The following RNASE11 variants were observed in gnomAD, a reference collection of about 807,000 sequenced individuals.
RNASE11 encodes ribonuclease A family member 11 (inactive).
For synonymous variants in RNASE11, 105 were observed against 86.1 expected (o/e 1.22, Z -1.21); for missense variants, 252 against 237.8 (o/e 1.06, Z -0.39).
In RNASE11 at chr14:20,585,041, A is replaced by G. The variant is rs553570005; in HGVS notation, c.-22-545T>C. On this transcript the variant is annotated intron_variant, in intron 1 of 1. Transcript: ENST00000553849. ...TCTGTCTTTACCAGTTCCTTCGGCAAGTTGATCCTGTAGAGGAAGATTCCA... is the reference window on the plus strand; with the variant it reads ...TCTGTCTTTACCAGTTCCTTCGGCAGGTTGATCCTGTAGAGGAAGATTCCA... 20 of 983,960 alleles carry G rather than the reference A, an allele frequency of 2.0e-5. No homozygotes were observed. In the African/African-American group the frequency reaches 3.1e-4, roughly 15 times the overall value. The allele number at this position is 983,960 out of a possible 1,614,324, so 61.0% of individuals were successfully genotyped here.
chr14:20,583,952 T>C (rs753726748), exon 2 of RNASE11: 30 of 1,614,070 alleles, frequency 1.9e-5, no homozygotes, highest in Admixed American at 3.3e-5. Context: ...TCTAATGAGG[T>C]AACACTATGG....
At chr14:20,587,980 C>T (rs1884471484), upstream of RNASE11, 1 of 270,750 alleles carries the variant, frequency 3.7e-6, no homozygotes, top group Non-Finnish European at 5.7e-6. Context: ...CATGCCTGCT[C>T]TAGGTCACTG....
In RNASE11 at chr14:20,586,609, T is replaced by C. The variant is rs1884439517; in HGVS notation, c.-23+954A>G. On this transcript the variant is annotated intron_variant, in intron 1 of 1. Coordinates refer to ENST00000553849, the Ensembl canonical transcript of RNASE11. ...AAGGATGCCTTGACCAAAGACCTGA[T>C]ACATTTTGAAGGCAGAAAGGATGAG... Among the ~76,000 whole-genome samples, 4 of 152,212 alleles carry C rather than the reference T, an allele frequency of 2.6e-5. No individual in the cohort carries two copies. The South Asian group carries it at 8.3e-4, about 32-fold the overall frequency.
exon 2 of RNASE11, chr14:20,583,683 C>T: frequency 3.5e-6 from 1 of 282,276 alleles, no homozygotes. Flanking sequence ...AGAGAAGAAT[C>T]TGCACGCCAG....
chr14:20,583,679 G>A (rs1884359139), exon 2 of RNASE11: 2 of 264,080 alleles, frequency 7.6e-6, no homozygotes, highest in South Asian at 4.6e-5. Context: ...AGAGAGAGAA[G>A]AATCTGCACG....
At chr14:20,587,590 G>A in exon 1 of RNASE11, 1 of 985,246 alleles carries the variant, frequency 1.0e-6, no homozygotes, top group Non-Finnish European at 1.2e-6. Flanking sequence ...CTATTCAGAT[G>A]CTGAGGGCTC....
chr14:20,588,388 G>A (rs1353470027), upstream of RNASE11: 1 of 150,512 alleles, frequency 6.6e-6, no homozygotes, highest in Non-Finnish European at 1.5e-5. Context: ...GAACTAAAAA[G>A]AGAAAAGAGT....
At position 20,583,835 on chromosome 14, in the gene RNASE11, C is replaced by T. The variant is rs757569451; in HGVS notation, c.*40G>A. On this transcript the variant is annotated 3_prime_UTR_variant, in exon 2 of 2. Transcript: ENST00000553849. ...TAAACAAGAATGAACAAGAAGAGGTCCTTCTTTAGTAAGACCCTAGTCCTA... is the reference window on the plus strand; with the variant it reads ...TAAACAAGAATGAACAAGAAGAGGTTCTTCTTTAGTAAGACCCTAGTCCTA... 5 of 1,539,496 alleles carry T rather than the reference C, an allele frequency of 3.2e-6. No homozygotes were observed. In the South Asian group the frequency reaches 6.4e-5, roughly 20 times the overall value.
chr14:20,587,183 A>G (rs1268084037), intron 1 of RNASE11, among the ~76,000 whole-genome samples: 1 of 152,200 alleles, frequency 6.6e-6, no homozygotes, highest in African/African-American at 2.4e-5. Context: ...ATGTATATAC[A>G]TATTTAGATA....
Position 20,586,698 on chromosome 14 carries a change from T to C in RNASE11, c.-23+865A>G, listed in dbSNP as rs930553485. Among the ~76,000 whole-genome samples the C allele has an allele frequency of 4.6e-5, 7 of 152,294 alleles. No individual in the cohort carries two copies. In the East Asian group the frequency reaches 1.3e-3, roughly 29 times the overall value. On this transcript the variant is annotated intron_variant, in intron 1 of 1. Coordinates refer to ENST00000553849, the Ensembl canonical transcript of RNASE11. ...TATCCTATACCATTGACATCAGTAGTGAGGTGACAATAGGGAAACAGAAAG... is the reference window on the plus strand; with the variant it reads ...TATCCTATACCATTGACATCAGTAGCGAGGTGACAATAGGGAAACAGAAAG...
At chr14:20,588,910 C>T (rs931774140), upstream of RNASE11, among the ~76,000 whole-genome samples, 2 of 151,944 alleles carry the variant, frequency 1.3e-5, no homozygotes, top group African/African-American at 4.8e-5. Context: ...TGTCAGCTTC[C>T]CAAGCAGCTG....
intron 1 of RNASE11, chr14:20,584,967 A>C (rs1372834220): frequency 1.6e-6 from 1 of 612,494 alleles, no homozygotes; most frequent in Non-Finnish European, 2.0e-6. Context: ...ACACATTGCC[A>C]TTTCCCCATC....
upstream of RNASE11, chr14:20,587,915 T>A (rs1227673302): frequency 2.2e-6 from 2 of 897,998 alleles, no homozygotes; most frequent in African/African-American, 1.8e-5. Flanking sequence ...ACAGCTGAAG[T>A]CTCTCAACTG....
Position 20,584,412 on chromosome 14 carries a change from G to T in RNASE11, c.63C>A (p.Ser21Arg), listed in dbSNP as rs761973381. The change falls in exon 2 of 2, where the codon AGC (serine) becomes AGA (arginine). Residue 21 changes from serine (S) to arginine (R), a missense_variant. Physicochemically the swap from Ser to Arg is moderately radical, Grantham distance 110 (BLOSUM62 -1). Coordinates refer to ENST00000553849, the Ensembl canonical transcript of RNASE11. The stretch of plus-strand genomic sequence containing the variant: ...ATTCTTCTTTAATTATCTTCATTGT[G>T]CTTTCTGATGCTTCTGCAAGAACCA... The T allele has an allele frequency of 1.9e-6, 3 of 1,613,302 alleles. No homozygotes were observed. The East Asian group carries it at 6.7e-5, about 36-fold the overall frequency.
intron 1 of RNASE11, among the ~76,000 whole-genome samples, chr14:20,585,421 T>C (rs1408438376): frequency 6.6e-6 from 1 of 152,246 alleles, no homozygotes; most frequent in African/African-American, 2.4e-5. Context: ...TTCATGTTAA[T>C]CTTTTCTCCC....
downstream of RNASE11, chr14:20,583,484 C>T (rs1884353259): frequency 5.3e-6 from 1 of 189,572 alleles, no homozygotes; most frequent in Non-Finnish European, 1.1e-5. Flanking sequence ...CACTCATTCA[C>T]TATTTTTCTG....
chr14:20,589,624 C>A (rs948410858), upstream of RNASE11, among the ~76,000 whole-genome samples: 1 of 151,862 alleles, frequency 6.6e-6, no homozygotes, highest in African/African-American at 2.4e-5. Context: ...CAGTGGCTCA[C>A]GCCTGTTATC....
At chr14:20,585,496 T>C (rs1298981593) in intron 1 of RNASE11, among the ~76,000 whole-genome samples, 1 of 152,206 alleles carries the variant, frequency 6.6e-6, no homozygotes, top group Non-Finnish European at 1.5e-5. Flanking sequence ...CTTTTATTCA[T>C]ATAGAATCAA....
upstream of RNASE11, among the ~76,000 whole-genome samples, chr14:20,589,796 A>G (rs1045759433): frequency 3.0e-4 from 45 of 152,070 alleles, 1 homozygote; most frequent in Admixed American, 2.9e-3. Context: ...CTGAGGAAGG[A>G]GAATCACTTG....
Sources: gnomAD v4.1 joint callset for allele counts (sites outside exome capture counted in the v4.1 genomes callset) on GRCh38, gnomAD v4.1.1 for gene constraint, MANE v1.5 for transcripts, NCBI Gene and HGNC (gene_info 2026-07-23, HGNC 2026-07-21) for gene names.